PAH: variants seen among roughly 807,000 people sequenced by gnomAD.
PAH encodes phenylalanine hydroxylase.
PAH carries 64 observed loss-of-function variants against 62.0 expected under a neutral mutation model. That is an observed-to-expected ratio of 1.03 (90% confidence interval 0.84 to 1.27). The LOEUF (loss-of-function observed/expected upper bound fraction) is 1.27. Ranked by LOEUF, PAH falls within the 50% of genes most tolerant of loss-of-function variation. The probability of loss-of-function intolerance (pLI) is 0.00; values close to 1 mark genes in which losing one functional copy is unlikely to be tolerated. For missense variants in PAH, 579 were observed against 542.8 expected, an observed-to-expected ratio of 1.07 and a Z score of -0.66; for synonymous variants, 195 against 196.2, an observed-to-expected ratio of 0.99 and a Z score of 0.05.
chr12:102,862,855 A>G (rs758699276), intron 5 of PAH, among the ~76,000 whole-genome samples: 1 of 152,146 alleles, frequency 6.6e-6, no homozygotes, highest in African/African-American at 2.4e-5. Flanking sequence ...CAGACGAGTG[A>G]CAGGGATTAG....
At chr12:102,859,180 A>T (rs1400053168) in intron 5 of PAH, among the ~76,000 whole-genome samples, 1 of 152,150 alleles carries the variant, frequency 6.6e-6, no homozygotes, top group Non-Finnish European at 1.5e-5. Context: ...ACTACCATCA[A>T]GAATACTATA....
chr12:102,858,693 G>T (rs148341326), intron 5 of PAH, among the ~76,000 whole-genome samples: 1 of 152,086 alleles, frequency 6.6e-6, no homozygotes, highest in African/African-American at 2.4e-5. Context: ...TCAACTACAT[G>T]GAAACTGAAG....
At chr12:102,869,868 A>G (rs929325178) in intron 4 of PAH, among the ~76,000 whole-genome samples, 3 of 152,220 alleles carry the variant, frequency 2.0e-5, no homozygotes. Context: ...GTTGGTGATG[A>G]CTGATCACCC....
chr12:102,877,185 A>T lies in PAH; in HGVS notation c.441+277T>A, dbSNP rs1876602856. 5 of 477,362 alleles carry T rather than the reference A, an allele frequency of 1.0e-5. No individual in the cohort carries two copies. The Admixed American group carries it at 1.6e-4, about 16-fold the overall frequency. The allele number at this position is 477,362 out of a possible 1,614,324, so 29.6% of individuals were successfully genotyped here. A position where few individuals can be genotyped will look rare whatever the true frequency, so the allele number is the denominator to read the frequency against. Reference sequence around the variant, plus strand: ...ACAGGCAGAAACAATGATGATTTGCATCTGTGTGTGTGTTTGTGCATACAC... The same window carrying T: ...ACAGGCAGAAACAATGATGATTTGCTTCTGTGTGTGTGTTTGTGCATACAC... On this transcript the variant is annotated intron_variant, in intron 4 of 12. Coordinates refer to ENST00000553106, the MANE Select transcript of PAH (RefSeq NM_000277.3).
intron 1 of PAH, among the ~76,000 whole-genome samples, chr12:102,940,795 C>T (rs1040117126): frequency 6.6e-6 from 1 of 152,084 alleles, no homozygotes; most frequent in Admixed American, 6.5e-5. Context: ...TTAGAGAGGT[C>T]GATGTTCATA....
chr12:102,875,639 G>A (rs1336001537), intron 4 of PAH, among the ~76,000 whole-genome samples: 1 of 152,158 alleles, frequency 6.6e-6, no homozygotes, highest in Non-Finnish European at 1.5e-5. Flanking sequence ...ATGGTATATA[G>A]GATGGAATGG....
intron 2 of PAH, among the ~76,000 whole-genome samples, chr12:102,900,304 C>G (rs1877701273): frequency 6.6e-6 from 1 of 152,104 alleles, no homozygotes; most frequent in Non-Finnish European, 1.5e-5. Flanking sequence ...CTGCCTCAGC[C>G]TCCCAAAGTG....
intron 1 of PAH, 93 bp downstream of exon 1, chr12:102,916,978 C>T: frequency 1.8e-6 from 2 of 1,138,174 alleles, no homozygotes; most frequent in Non-Finnish European, 2.7e-6. Flanking sequence ...TCTTACTGAG[C>T]TTATGAAACC....
At chr12:102,903,444 T>TATC (rs1171442886) in intron 2 of PAH, among the ~76,000 whole-genome samples, 3 of 151,794 alleles carry the variant, frequency 2.0e-5, no homozygotes, top group Non-Finnish European at 4.4e-5. Flanking sequence ...ACTCATATGC[T>TATC]ATCAATAGGC....
chr12:102,900,177 G>A (rs1877694977), intron 2 of PAH, among the ~76,000 whole-genome samples: 1 of 150,702 alleles, frequency 6.6e-6, no homozygotes, highest in Admixed American at 6.6e-5. Context: ...AGCCTCATGA[G>A]TAGCTGGGAC....
intron 5 of PAH, among the ~76,000 whole-genome samples, chr12:102,856,956 G>A (rs1032005658): frequency 1.4e-4 from 22 of 152,326 alleles, no homozygotes; most frequent in African/African-American, 2.9e-4. Context: ...ACAGCTCCTC[G>A]CCAGCAATGG....
intron 2 of PAH, among the ~76,000 whole-genome samples, chr12:102,911,040 T>C (rs1292361467): frequency 6.6e-6 from 1 of 152,152 alleles, no homozygotes; most frequent in East Asian, 1.9e-4. Context: ...TTACAATCTC[T>C]TGGGGGATAG....
At chr12:102,854,782 A>AAC (rs1204209325) in intron 6 of PAH, 4 of 366,820 alleles carry the variant, frequency 1.1e-5, no homozygotes, top group African/African-American at 6.3e-5. Flanking sequence ...ACACACTCCT[A>AAC]ACTCATAACA....
intron 3 of PAH, among the ~76,000 whole-genome samples, chr12:102,890,250 C>A (rs559188980): frequency 6.6e-6 from 1 of 152,194 alleles, no homozygotes; most frequent in Non-Finnish European, 1.5e-5. Flanking sequence ...TGCTGTCAGA[C>A]TCGCCTCTGA....
chr12:102,855,491 T>C (rs952138566), intron 5 of PAH, among the ~76,000 whole-genome samples, 159 bp from the exon 6 acceptor site: 2 of 152,196 alleles, frequency 1.3e-5, no homozygotes, highest in African/African-American at 4.8e-5. Context: ...TTCCACATCT[T>C]GATATAGGAA....
upstream of PAH, chr12:102,917,262 G>A (rs1012668464): frequency 2.9e-5 from 23 of 784,482 alleles, no homozygotes; most frequent in Admixed American, 4.4e-4. Context: ...GGTGTCTCTT[G>A]CGTGGTGCAT....
chr12:102,888,792 T>A (rs913997224), intron 3 of PAH, among the ~76,000 whole-genome samples: 2 of 151,814 alleles, frequency 1.3e-5, no homozygotes, highest in African/African-American at 4.8e-5. Context: ...CATCAGTGCA[T>A]CCAGCAAGCA....
intron 1 of PAH, among the ~76,000 whole-genome samples, chr12:102,932,913 G>A (rs1165576560): frequency 6.6e-6 from 1 of 152,134 alleles, no homozygotes; most frequent in Non-Finnish European, 1.5e-5. Flanking sequence ...ATTACACATT[G>A]CACGCTTATA....
chr12:102,895,781 G>A (rs981586963), intron 2 of PAH, among the ~76,000 whole-genome samples: 4 of 150,466 alleles, frequency 2.7e-5, no homozygotes, highest in Non-Finnish European at 5.9e-5. Flanking sequence ...CTTGAACCAC[G>A]GAGGTGGAAG....
Sources: allele counts gnomAD v4.1 joint callset (sites outside exome capture counted in the v4.1 genomes callset), GRCh38; gene constraint gnomAD v4.1.1; transcripts MANE v1.5; gene names NCBI Gene and HGNC (gene_info 2026-07-23, HGNC 2026-07-21).